The following PHYHIPL variants were observed in gnomAD, a reference collection of about 807,000 sequenced individuals.
The protein encoded by PHYHIPL is phytanoyl-CoA 2-hydroxylase interacting protein like.
A neutral mutation model predicts 33.4 loss-of-function variants in PHYHIPL; 9 were observed. The observed-to-expected ratio is 0.27, with a 90% confidence interval of 0.16 to 0.47. The LOEUF is 0.47. Among genes scored for constraint, PHYHIPL ranks in the 20% least tolerant of loss-of-function variants. The pLI is 0.99. For missense variants in PHYHIPL, 365 were observed against 460.7 expected, an observed-to-expected ratio of 0.79 and a Z score of 1.90; for synonymous variants, 153 against 154.1, an observed-to-expected ratio of 0.99 and a Z score of 0.05.
intron 1 of PHYHIPL, among the ~76,000 whole-genome samples, chr10:59,189,132 G>A (rs1053608467): frequency 2.0e-5 from 3 of 151,812 alleles, no homozygotes; most frequent in African/African-American, 7.3e-5. Context: ...CCTTAAAAAA[G>A]AGTCAAGATC....
In PHYHIPL at chr10:59,246,888, T is replaced by A; in HGVS notation, c.*1297T>A. The A allele has an allele frequency of 2.9e-6, 1 of 346,802 alleles. No individual in the cohort carries two copies. Among genetic ancestry groups the A allele is most frequent in the Non-Finnish European group, 5.1e-6 (1 of 194,844 alleles). 21.5% of individuals were successfully genotyped at this position (346,802 alleles called of 1,614,324 possible). A position where few individuals can be genotyped will look rare whatever the true frequency, so the allele number is the denominator to read the frequency against. ...ATCTATCCAAAATACCTATTTTAAATTTTTAATACAATATTTTATTTTAAT... is the reference window on the plus strand; with the variant it reads ...ATCTATCCAAAATACCTATTTTAAAATTTTAATACAATATTTTATTTTAAT... On this transcript the variant is annotated 3_prime_UTR_variant, in exon 5 of 5. Transcript: ENST00000373880.
At chr10:59,208,276 C>A (rs978246136) in intron 1 of PHYHIPL, among the ~76,000 whole-genome samples, 1 of 152,188 alleles carries the variant, frequency 6.6e-6, no homozygotes, top group African/African-American at 2.4e-5. Context: ...AATACCCAGG[C>A]AAACAGGATC....
At chr10:59,207,571 CCT>C (rs1315259252) in intron 1 of PHYHIPL, among the ~76,000 whole-genome samples, 1 of 152,142 alleles carries the variant, frequency 6.6e-6, no homozygotes, top group African/African-American at 2.4e-5. Context: ...CTAGATTCCT[CCT>C]CTCTAGGCAG....
At chr10:59,192,146 A>T (rs1838799955) in intron 1 of PHYHIPL, among the ~76,000 whole-genome samples, 1 of 152,164 alleles carries the variant, frequency 6.6e-6, no homozygotes, top group African/African-American at 2.4e-5. Flanking sequence ...CTGAGGTAGC[A>T]GGCAAAGTCT....
At chr10:59,241,123 TA>T (rs1256936285) in intron 4 of PHYHIPL, among the ~76,000 whole-genome samples, 1 of 152,152 alleles carries the variant, frequency 6.6e-6, no homozygotes, top group Non-Finnish European at 1.5e-5. Flanking sequence ...ATTGCTTTTT[TA>T]AGAAGCCTTA....
upstream of PHYHIPL, among the ~76,000 whole-genome samples, chr10:59,174,626 A>G (rs1838220295): frequency 6.6e-6 from 1 of 152,256 alleles, no homozygotes; most frequent in South Asian, 2.1e-4. Flanking sequence ...TGACATTAAT[A>G]CACTTCTTGA....
At chr10:59,215,835 GAA>G (rs55657842) in intron 1 of PHYHIPL, among the ~76,000 whole-genome samples, 29,811 of 148,598 alleles carry the variant, frequency 0.2, 3,682 homozygotes, top group African/African-American at 0.34. Context: ...AGCCTTCATA[GAA>G]AAAAAAAAAA....
intron 1 of PHYHIPL, among the ~76,000 whole-genome samples, chr10:59,186,626 T>C (rs1339278730): frequency 6.6e-6 from 1 of 152,188 alleles, no homozygotes; most frequent in East Asian, 1.9e-4. Context: ...TTTGTTTGTG[T>C]CCTCTCTTAT....
At chr10:59,242,992 G>GAATT (rs1426021067) in intron 4 of PHYHIPL, among the ~76,000 whole-genome samples, 2 of 152,086 alleles carry the variant, frequency 1.3e-5, no homozygotes, top group African/African-American at 4.8e-5. Flanking sequence ...AGTATTCATA[G>GAATT]AATTAATAGC....
intron 1 of PHYHIPL, chr10:59,183,812 G>C (rs953014423): frequency 3.1e-6 from 1 of 320,212 alleles, no homozygotes; most frequent in Non-Finnish European, 4.5e-6. Flanking sequence ...TTGTTGTAGT[G>C]GTTGTGGCAA....
chr10:59,204,561 C>T (rs1253292840), intron 1 of PHYHIPL, among the ~76,000 whole-genome samples: 3 of 152,156 alleles, frequency 2.0e-5, no homozygotes, highest in African/African-American at 7.2e-5. Context: ...CCCATGTCAA[C>T]TAGGATAACT....
At chr10:59,189,265 T>G (rs1427536839) in intron 1 of PHYHIPL, among the ~76,000 whole-genome samples, 1 of 152,040 alleles carries the variant, frequency 6.6e-6, no homozygotes, top group Non-Finnish European at 1.5e-5. Context: ...AAAAAGAATT[T>G]CTAGAAAAAT....
At chr10:59,242,299 C>T (rs1181205546) in intron 4 of PHYHIPL, among the ~76,000 whole-genome samples, 1 of 152,132 alleles carries the variant, frequency 6.6e-6, no homozygotes, top group Non-Finnish European at 1.5e-5. Flanking sequence ...ACTCCTACCT[C>T]CTCCAAGTAG....
chr10:59,185,229 A>T (rs550607968), intron 1 of PHYHIPL, among the ~76,000 whole-genome samples: 8 of 151,930 alleles, frequency 5.3e-5, no homozygotes, highest in Non-Finnish European at 1.0e-4. Context: ...TGACCTCGTG[A>T]TCCGCCCGCC....
At position 59,198,215 on chromosome 10, in the gene PHYHIPL, C is replaced by G. The variant is rs531383108; in HGVS notation, c.106+21256C>G. ...CTATCCCTCCCCCCTACCCCCACCC[C>G]ATGACAGGCCCAGTGAGTGATGTTC... On this transcript the variant is annotated intron_variant, in intron 1 of 4. Coordinates refer to ENST00000373880, the MANE Select transcript of PHYHIPL (RefSeq NM_032439.4). 4.6e-5 allele frequency among the ~76,000 whole-genome samples: 7 copies of G among 152,174 alleles called. No homozygotes were observed. The East Asian group carries it at 1.2e-3, about 25-fold the overall frequency.
chr10:59,175,379 T>C (rs1838231587), upstream of PHYHIPL, among the ~76,000 whole-genome samples: 1 of 152,210 alleles, frequency 6.6e-6, no homozygotes, highest in Non-Finnish European at 1.5e-5. Flanking sequence ...GAAGCTTCAA[T>C]TAATTAGACT....
Position 59,245,468 on chromosome 10 carries a change from C to G in PHYHIPL, c.1008C>G (p.Asp336Glu), listed in dbSNP as rs766586644. The G allele has an allele frequency of 1.2e-6, 2 of 1,614,152 alleles. No individual in the cohort carries two copies. The highest frequency in any genetic ancestry group is 2.2e-5 in the South Asian group (2 of 91,066). The stretch of plus-strand genomic sequence containing the variant: ...TCATTTTAGAAGTCATTTACACTGA[C>G]CCTGTGGATCTTTCTGTGGGCACCG... ...QDVILEVIYT[D>E]PVDLSVGTVA... Residue 336 changes from aspartate to glutamate, a missense_variant, in exon 5 of 5, where the codon GAC (aspartate) becomes GAG (glutamate). By Grantham distance (45) the Asp-to-Glu change is conservative (BLOSUM62 2). Around this residue, in one of 4 missense-constraint regions of PHYHIPL, gnomAD observed 196 missense variants for 224.9 expected, o/e 0.87. Coordinates refer to ENST00000373880, the MANE Select transcript of PHYHIPL (RefSeq NM_032439.4).
chr10:59,199,455 C>T (rs12245153), intron 1 of PHYHIPL, among the ~76,000 whole-genome samples: 36,668 of 151,910 alleles, frequency 0.24, 6,206 homozygotes, highest in African/African-American at 0.48. Context: ...TTTTTGTTAC[C>T]GTAGCCTTGT....
intron 1 of PHYHIPL, among the ~76,000 whole-genome samples, chr10:59,210,189 G>A (rs1362617888): frequency 6.6e-6 from 1 of 152,058 alleles, no homozygotes; most frequent in Non-Finnish European, 1.5e-5. Flanking sequence ...ATCTGACAAA[G>A]GGCTAATATC....
Sources: gnomAD v4.1 joint callset for allele counts (sites outside exome capture counted in the v4.1 genomes callset) on GRCh38, gnomAD v4.1.1 for gene constraint, gnomAD v4.1.1 regional missense constraint, MANE v1.5 for transcripts, NCBI Gene and HGNC (gene_info 2026-07-23, HGNC 2026-07-21) for gene names.